Variants in RERE observed in about 807,000 individuals in gnomAD.
RERE encodes the protein arginine-glutamic acid dipeptide repeats.
RERE carries 40 observed loss-of-function variants against 146.1 expected under a neutral mutation model. The ratio of observed to expected loss-of-function variants is 0.27; its 90% CI spans 0.21 to 0.36. The LOEUF is 0.36. Among genes scored for constraint, RERE ranks in the 10% least tolerant of loss-of-function variants. The pLI is 1.00. For missense variants in RERE, 1,933 were observed against 2,138.7 expected (o/e 0.90, Z 1.90); for synonymous variants, 1,003 against 866.0 (o/e 1.16, Z -2.78).
chr1:8,379,978 C>T (rs531437005), intron 12 of RERE, among the ~76,000 whole-genome samples: 107 of 152,338 alleles, frequency 7.0e-4, no homozygotes, highest in African/African-American at 2.5e-3. Flanking sequence ...CTGGCCGCTC[C>T]TGTTCTGGAG....
chr1:8,771,213 AT>A (rs781210587), intron 1 of RERE, among the ~76,000 whole-genome samples: 23 of 152,134 alleles, frequency 1.5e-4, no homozygotes, highest in Non-Finnish European at 3.1e-4. Context: ...AACAGCTATC[AT>A]TTTGGAGATT....
intron 8 of RERE, among the ~76,000 whole-genome samples, chr1:8,507,239 G>A (rs1356225509): frequency 6.6e-6 from 1 of 152,184 alleles, no homozygotes; most frequent in African/African-American, 2.4e-5. Flanking sequence ...TCGTGCCTCT[G>A]TGCTCTAGCC....
intron 12 of RERE, among the ~76,000 whole-genome samples, chr1:8,405,741 C>T (rs1287662770): frequency 6.6e-6 from 1 of 151,638 alleles, no homozygotes; most frequent in Non-Finnish European, 1.5e-5. Context: ...CTGGTTCAAG[C>T]GATTCTCCTG....
At chr1:8,479,594 A>AC (rs1468677041) in intron 10 of RERE, among the ~76,000 whole-genome samples, 13 of 152,222 alleles carry the variant, frequency 8.5e-5, no homozygotes, top group Non-Finnish European at 1.8e-4. Flanking sequence ...ACAGACACAC[A>AC]GAAGAGAAGG....
chr1:8,375,644 C>T (rs1642215549), intron 12 of RERE, among the ~76,000 whole-genome samples: 1 of 145,916 alleles, frequency 6.9e-6, no homozygotes, highest in Non-Finnish European at 1.5e-5. Context: ...TCAGCAGCCA[C>T]TGAAAATGCT....
chr1:8,704,205 A>AAT (rs1187509662), intron 1 of RERE, among the ~76,000 whole-genome samples: 1 of 152,178 alleles, frequency 6.6e-6, no homozygotes, highest in Non-Finnish European at 1.5e-5. Flanking sequence ...TCTGGTAAAA[A>AAT]ATATATATAT....
chr1:8,459,187 T>C (rs1012596105), intron 11 of RERE, among the ~76,000 whole-genome samples: 1 of 152,250 alleles, frequency 6.6e-6, no homozygotes, highest in Non-Finnish European at 1.5e-5. Flanking sequence ...ATTTTATTAA[T>C]AGTTGGAACT....
intron 1 of RERE, among the ~76,000 whole-genome samples, chr1:8,676,526 G>C (rs539314670): frequency 1.1e-4 from 17 of 152,066 alleles, no homozygotes; most frequent in Admixed American, 9.2e-4. Context: ...TCCCAAGTGT[G>C]ACATTAAATC....
At chr1:8,813,932 A>C (rs1641863001) in intron 1 of RERE, among the ~76,000 whole-genome samples, 1 of 152,130 alleles carries the variant, frequency 6.6e-6, no homozygotes, top group Admixed American at 6.6e-5. Context: ...CCTATTTTTT[A>C]AAAGCTTTTT....
chr1:8,375,604 G>GCTCAGCAGCCACTGAAAATGTTTCCTCA (rs1642211659), intron 12 of RERE, among the ~76,000 whole-genome samples: 1 of 89,772 alleles, frequency 1.1e-5, no homozygotes, highest in Non-Finnish European at 2.3e-5. Flanking sequence ...ATGCTTCCTC[G>GCTCAGCAGCCACTGAAAATGTTTCCTCA]CTCAGCAGCC....
At chr1:8,704,621 G>A (rs565518996) in intron 1 of RERE, among the ~76,000 whole-genome samples, 56 of 152,348 alleles carry the variant, frequency 3.7e-4, no homozygotes, top group Admixed American at 6.5e-4. Context: ...GTGGGGCCAG[G>A]CTGAATAGAA....
chr1:8,722,990 A>G (rs977336091), intron 1 of RERE, among the ~76,000 whole-genome samples: 1 of 152,244 alleles, frequency 6.6e-6, no homozygotes, highest in African/African-American at 2.4e-5. Flanking sequence ...ATTAATCAAC[A>G]GAGTTGTCTT....
chr1:8,397,997 G>A (rs1201753072), intron 12 of RERE, among the ~76,000 whole-genome samples: 2 of 152,216 alleles, frequency 1.3e-5, no homozygotes, highest in Non-Finnish European at 2.9e-5. Flanking sequence ...AAAAAGGGAG[G>A]TGTAAGATAG....
chr1:8,501,196 G>A (rs1183899697), intron 8 of RERE, among the ~76,000 whole-genome samples: 5 of 149,682 alleles, frequency 3.3e-5, no homozygotes, highest in African/African-American at 4.9e-5. Flanking sequence ...CGCCCCGTCC[G>A]GGAGGGAGGT....
At chr1:8,728,202 AC>A (rs1640010462) in intron 1 of RERE, among the ~76,000 whole-genome samples, 1 of 152,248 alleles carries the variant, frequency 6.6e-6, no homozygotes, top group Admixed American at 6.5e-5. Flanking sequence ...ACCAGTATCC[AC>A]TTTTACTGAG....
chr1:8,638,588 C>T lies in RERE; in HGVS notation c.326-14208G>A, dbSNP rs560557772. ...TAAATTCAGGACATGTTAAGAACCA[C>T]ATCACAAAACTGCGAATAGCTTAAC... On this transcript the variant is annotated intron_variant, in intron 2 of 22. Transcript: ENST00000400908. Among the ~76,000 whole-genome samples the T allele has an allele frequency of 6.3e-4, 96 of 152,264 alleles. 2 individuals are homozygous for T. In the South Asian group the frequency reaches 0.019, roughly 30 times the overall value.
intron 12 of RERE, among the ~76,000 whole-genome samples, chr1:8,376,077 C>A (rs996648265): frequency 1.3e-5 from 2 of 152,224 alleles, no homozygotes; most frequent in Non-Finnish European, 1.5e-5. Context: ...TCAATGAAGT[C>A]TAACGCCCTT....
At chr1:8,705,977 G>A (rs573717187) in intron 1 of RERE, among the ~76,000 whole-genome samples, 2 of 151,972 alleles carry the variant, frequency 1.3e-5, no homozygotes, top group Admixed American at 6.6e-5. Context: ...TTAGCCGGGC[G>A]TGGTGGCGGC....
intron 10 of RERE, 85 bp downstream of exon 10, chr1:8,494,978 G>T: frequency 1.0e-6 from 1 of 1,004,126 alleles, no homozygotes; most frequent in Non-Finnish European, 1.6e-6. Flanking sequence ...GCGACTTCAT[G>T]CTCCGCACTC....
Sources: allele counts gnomAD v4.1 joint callset (sites outside exome capture counted in the v4.1 genomes callset), GRCh38; gene constraint gnomAD v4.1.1; transcripts MANE v1.5; gene names NCBI Gene and HGNC (gene_info 2026-07-23, HGNC 2026-07-21).